Variants in ERBB4 observed in about 807,000 individuals in gnomAD.
ERBB4 encodes the protein receptor tyrosine-protein kinase erbB-4.
ERBB4 carries 42 observed loss-of-function variants against 158.0 expected under a neutral mutation model. The ratio of observed to expected loss-of-function variants is 0.27; its 90% CI spans 0.21 to 0.34. The LOEUF (loss-of-function observed/expected upper bound fraction) is 0.34, where lower values mean the gene tolerates loss of function less well. Among genes scored for constraint, ERBB4 ranks in the 10% least tolerant of loss-of-function variants. The pLI, the probability that ERBB4 is intolerant of heterozygous loss-of-function variation, is 1.00. For synonymous variants in ERBB4, 583 were observed against 558.7 expected (o/e 1.04, Z -0.61); for missense variants, 1,333 against 1,624.1 (o/e 0.82, Z 3.08).
At chr2:212,277,067 T>C (rs2085566510) in intron 1 of ERBB4, among the ~76,000 whole-genome samples, 1 of 151,708 alleles carries the variant, frequency 6.6e-6, no homozygotes, top group African/African-American at 2.4e-5. Flanking sequence ...AAAGGGCCTT[T>C]CCAACTGACC....
At chr2:211,733,266 C>T (rs1224896787) in intron 5 of ERBB4, among the ~76,000 whole-genome samples, 1 of 152,160 alleles carries the variant, frequency 6.6e-6, no homozygotes, top group Non-Finnish European at 1.5e-5. Flanking sequence ...GAAATTCTCC[C>T]TTCTTAATAG....
chr2:212,224,513 G>C (rs1253820046), intron 1 of ERBB4, among the ~76,000 whole-genome samples: 5 of 151,878 alleles, frequency 3.3e-5, no homozygotes, highest in Admixed American at 6.6e-5. Context: ...AAAAGGGAAA[G>C]GGGAGGGAAA....
intron 1 of ERBB4, among the ~76,000 whole-genome samples, chr2:212,216,318 A>G (rs140212896): frequency 1.1e-4 from 17 of 151,554 alleles, no homozygotes; most frequent in African/African-American, 4.1e-4. Context: ...AAAAAATGCA[A>G]TATGTATCAA....
Position 212,213,258 on chromosome 2 carries a change from G to A in ERBB4, c.83-88355C>T, listed in dbSNP as rs769987470. On this transcript the variant is annotated intron_variant, in intron 1 of 27. Coordinates refer to ENST00000342788, the MANE Select transcript of ERBB4 (RefSeq NM_005235.3). ...CCATCAGAAAGTGGGAAAGGGATAT[G>A]AACAGACACTTCAAAAAAGAAGACA... is the stretch of plus-strand genomic sequence containing the variant. Among the ~76,000 whole-genome samples, 172 of 151,990 alleles carry A rather than the reference G, an allele frequency of 1.1e-3. 1 individual carries two copies. The highest frequency in any genetic ancestry group is 4.1e-3 in the African/African-American group (168 of 41,402).
At chr2:212,226,659 C>T (rs1433016853) in intron 1 of ERBB4, among the ~76,000 whole-genome samples, 1 of 152,052 alleles carries the variant, frequency 6.6e-6, no homozygotes, top group African/African-American at 2.4e-5. Context: ...TATCTAAATA[C>T]CCTCAGAGAT....
At chr2:211,931,648 C>G (rs2080180323) in intron 3 of ERBB4, among the ~76,000 whole-genome samples, 1 of 151,878 alleles carries the variant, frequency 6.6e-6, no homozygotes, top group Admixed American at 6.6e-5. Flanking sequence ...GAAAATTATT[C>G]TTTCGTAATT....
intron 1 of ERBB4, among the ~76,000 whole-genome samples, chr2:212,410,898 A>G (rs1047594205): frequency 1.2e-4 from 19 of 152,100 alleles, no homozygotes; most frequent in African/African-American, 4.6e-4. Flanking sequence ...TTTACTGTTA[A>G]TTTGTAGCCT....
intron 1 of ERBB4, among the ~76,000 whole-genome samples, chr2:212,131,045 T>C (rs1575677044): frequency 6.6e-6 from 1 of 152,208 alleles, no homozygotes; most frequent in South Asian, 2.1e-4. Context: ...TACAAAATAT[T>C]GAAGACCACA....
intron 3 of ERBB4, among the ~76,000 whole-genome samples, chr2:211,823,110 T>A (rs2077029024): frequency 1.3e-5 from 2 of 151,930 alleles, no homozygotes; most frequent in Admixed American, 6.6e-5. Context: ...GCTTTTCCAG[T>A]CAAGCCCTGT....
At chr2:211,699,763 A>C (rs181275225) in intron 12 of ERBB4, among the ~76,000 whole-genome samples, 2 of 152,224 alleles carry the variant, frequency 1.3e-5, no homozygotes, top group African/African-American at 2.4e-5. Flanking sequence ...TAACACTGAA[A>C]GTTTAAACAC....
intron 3 of ERBB4, among the ~76,000 whole-genome samples, chr2:211,882,045 C>A (rs959495440): frequency 1.5e-4 from 23 of 152,234 alleles, no homozygotes; most frequent in Middle Eastern, 3.4e-3. Flanking sequence ...AAAACCTTCA[C>A]GGGAAAGTCC....
At chr2:211,953,801 G>T (rs545125181) in intron 2 of ERBB4, among the ~76,000 whole-genome samples, 21 of 152,016 alleles carry the variant, frequency 1.4e-4, no homozygotes, top group African/African-American at 4.8e-4. Flanking sequence ...GAAATCAAAA[G>T]ATAATGGAAA....
chr2:212,139,485 C>T (rs2080375213), intron 1 of ERBB4, among the ~76,000 whole-genome samples: 1 of 151,890 alleles, frequency 6.6e-6, no homozygotes, highest in African/African-American at 2.4e-5. Flanking sequence ...TCTCATATCA[C>T]ACTAACAATA....
intron 2 of ERBB4, among the ~76,000 whole-genome samples, chr2:212,093,952 T>A (rs1222554261): frequency 6.6e-6 from 1 of 151,984 alleles, no homozygotes; most frequent in East Asian, 1.9e-4. Flanking sequence ...TTCCTTCCAG[T>A]AAGAGACAAT....
intron 5 of ERBB4, among the ~76,000 whole-genome samples, chr2:211,746,168 C>A (rs1416647406): frequency 6.6e-6 from 1 of 152,176 alleles, no homozygotes; most frequent in Non-Finnish European, 1.5e-5. Flanking sequence ...GTAATCCCAG[C>A]ACTTTGGAAG....
At chr2:211,711,154 A>T (rs1432237280) in intron 9 of ERBB4, among the ~76,000 whole-genome samples, 1 of 152,172 alleles carries the variant, frequency 6.6e-6, no homozygotes, top group African/African-American at 2.4e-5. Context: ...GATATTTAGC[A>T]ATAATACATA....
intron 25 of ERBB4, among the ~76,000 whole-genome samples, chr2:211,390,209 C>T (rs1413702186): frequency 1.3e-5 from 2 of 152,182 alleles, no homozygotes; most frequent in Non-Finnish European, 2.9e-5. Context: ...TTTACTAAAT[C>T]TCTACAGTGA....
At chr2:212,080,700 T>C (rs1311592999) in intron 2 of ERBB4, among the ~76,000 whole-genome samples, 1 of 151,574 alleles carries the variant, frequency 6.6e-6, no homozygotes. Context: ...AAAAACCTCT[T>C]TATATTCAAA....
At chr2:211,714,351 C>G (rs78821506) in intron 7 of ERBB4, among the ~76,000 whole-genome samples, 4,658 of 152,232 alleles carry the variant, frequency 0.031, 226 homozygotes, top group African/African-American at 0.11. Flanking sequence ...CTAGGCCACT[C>G]TGGTTTTAAA....
Sources: allele counts gnomAD v4.1 joint callset (sites outside exome capture counted in the v4.1 genomes callset), GRCh38; gene constraint gnomAD v4.1.1; transcripts MANE v1.5; gene names NCBI Gene and HGNC (gene_info 2026-07-23, HGNC 2026-07-21).